The following NKTR variants were observed in gnomAD, a reference collection of about 807,000 sequenced individuals.
NKTR encodes natural killer cell triggering receptor.
NKTR carries 67 observed loss-of-function variants against 156.3 expected under a neutral mutation model. The observed-to-expected ratio is 0.43, with a 90% confidence interval of 0.35 to 0.53. The LOEUF (loss-of-function observed/expected upper bound fraction) is 0.53. NKTR is among the 20% of genes least tolerant of loss of function. NKTR has a pLI of 0.01. For missense variants in NKTR, 1,604 were observed against 1,730.9 expected (o/e 0.93, Z 1.30); for synonymous variants, 640 against 596.6 (o/e 1.07, Z -1.06).
chr3:42,618,872 G>A, intron 3 of NKTR, 148 bp from the exon 4 acceptor site: 1 of 669,814 alleles, frequency 1.5e-6, no homozygotes, highest in Non-Finnish European at 2.5e-6. Flanking sequence ...ATGTGTGTAT[G>A]TTAAATTATC....
Position 42,643,907 on chromosome 3 carries a change from A to G in NKTR, c.4205A>G (p.Tyr1402Cys). The change falls in exon 16 of 17, where the codon TAC (tyrosine) becomes TGC (cysteine). Residue 1402 changes from tyrosine to cysteine, a missense_variant. Tyr to Cys is a radical substitution (Grantham distance 194). Around this residue, in one of 6 missense-constraint regions of NKTR, gnomAD observed 193 missense variants for 220.2 expected, o/e 0.88. Transcript: ENST00000232978. The stretch of plus-strand genomic sequence containing the variant: ...TGTTGTTGCCGTTAAAGCAGGTCCT[A>G]CACCTACGATAGCTACTATAGCAGG... Reference protein sequence around the residue: ...SYDPHSRSRSYTYDSYYSRSR... With the variant: ...SYDPHSRSRSCTYDSYYSRSR... 1.2e-6 allele frequency: 2 copies of G among 1,612,892 alleles called. No homozygotes were observed. Among genetic ancestry groups the G allele is most frequent in the East Asian group, 2.2e-5 (1 of 44,888 alleles).
chr3:42,620,762 A>G (rs1476993648), intron 5 of NKTR: 14 of 984,666 alleles, frequency 1.4e-5, no homozygotes, highest in Non-Finnish European at 1.7e-5. Context: ...TCTGTTATGT[A>G]GCAATTTAAA....
chr3:42,634,725 ATAT>A, intron 11 of NKTR, 25 bp downstream of exon 11: 1 of 1,307,302 alleles, frequency 7.6e-7, no homozygotes, highest in Non-Finnish European at 1.1e-6. Context: ...ACTTTTTTTG[ATAT>A]TATGTATCTA....
chr3:42,627,277 T>G, intron 6 of NKTR: 1 of 985,140 alleles, frequency 1.0e-6, no homozygotes, highest in Non-Finnish European at 1.2e-6. Flanking sequence ...TTTATCTCTT[T>G]AATTCTGTTG....
At position 42,633,598 on chromosome 3, in the gene NKTR, T is replaced by C. The variant is rs1709113980; in HGVS notation, c.792T>C (p.Asp264=). Residue 264 remains aspartate, a synonymous_variant, in exon 10 of 17, where the codon GAT becomes GAC. Coordinates refer to ENST00000232978, the MANE Select transcript of NKTR (RefSeq NM_005385.4). Reference sequence around the variant, plus strand: ...TTCTAAGTCACTCTGAGAGGAGTGATACCAATGAAAAAAGGTCAGTTGATT... The same window carrying C: ...TTCTAAGTCACTCTGAGAGGAGTGACACCAATGAAAAAAGGTCAGTTGATT... ...MNPKGHSERS[D]TNEKRSVDSS... 6.2e-7 allele frequency: 1 copy of C among 1,613,826 alleles called. No individual in the cohort carries two copies. Among genetic ancestry groups the C allele is most frequent in the Admixed American group, 1.7e-5 (1 of 59,998 alleles).
chr3:42,630,542 A>G lies in NKTR; in HGVS notation c.375-4A>G, dbSNP rs1379226764. ...TCATCTTTGTGTTGATGTTTATTAC[A>G]TAGTACCACAAAGCCTGCTCCACAC... On this transcript the variant is annotated splice_region_variant and splice_polypyrimidine_tract_variant and intron_variant, in intron 6 of 16. Transcript: ENST00000232978. 3 of 1,613,872 alleles carry G rather than the reference A, an allele frequency of 1.9e-6. No individual in the cohort carries two copies. Among genetic ancestry groups the G allele is most frequent in the Middle Eastern group, 3.3e-4 (2 of 6,062 alleles).
intron 13 of NKTR, among the ~76,000 whole-genome samples, chr3:42,641,746 T>C (rs1577588105): frequency 6.6e-6 from 1 of 151,924 alleles, no homozygotes; most frequent in Non-Finnish European, 1.5e-5. Context: ...GGCGTGGTAG[T>C]GCGTGTCTGT....
chr3:42,629,636 A>ATCTGTT (rs1169711572), intron 6 of NKTR: 7 of 977,490 alleles, frequency 7.2e-6, no homozygotes, highest in Non-Finnish European at 8.5e-6. Context: ...GCTCTTAAAT[A>ATCTGTT]TCTGTTTCTC....
chr3:42,645,388 A>T (rs185543683), intron 16 of NKTR, among the ~76,000 whole-genome samples: 1 of 152,146 alleles, frequency 6.6e-6, no homozygotes, highest in African/African-American at 2.4e-5. Flanking sequence ...ACAGCTTCAA[A>T]AAGTCCATAG....
At chr3:42,611,978 A>T (rs546287427) in intron 2 of NKTR, among the ~76,000 whole-genome samples, 1 of 152,030 alleles carries the variant, frequency 6.6e-6, no homozygotes, top group African/African-American at 2.4e-5. Flanking sequence ...GCATGCTCCT[A>T]TGTTCCCATC....
rs1577542343 is a variant in NKTR, at chr3:42,633,343, C to G, written c.774-237C>G. 5.5e-6 allele frequency: 7 copies of G among 1,272,476 alleles called. No individual in the cohort carries two copies. In the East Asian group the frequency reaches 2.6e-4, roughly 47 times the overall value. The allele number at this position is 1,272,476 out of a possible 1,614,324, so 78.8% of individuals were successfully genotyped here. A position where few individuals can be genotyped will look rare whatever the true frequency, so the allele number is the denominator to read the frequency against. ...AGGTGTGAGCCACAATGCCTGGCCTCCTGGAACTCTTAAAATAAAAAAGTT... is the reference window on the plus strand; with the variant it reads ...AGGTGTGAGCCACAATGCCTGGCCTGCTGGAACTCTTAAAATAAAAAAGTT... On this transcript the variant is annotated intron_variant, in intron 9 of 16. Coordinates refer to ENST00000232978, the MANE Select transcript of NKTR (RefSeq NM_005385.4).
Position 42,617,513 on chromosome 3 carries a change from T to C in NKTR, c.59-57T>C, listed in dbSNP as rs1707492921. 4.6e-6 allele frequency: 4 copies of C among 872,248 alleles called. No homozygotes were observed. In the Admixed American group the frequency reaches 7.4e-5, roughly 16 times the overall value. 54.0% of individuals were successfully genotyped at this position (872,248 alleles called of 1,614,324 possible). ...TTGTTAGCCCTGTTTCTTTCTCCCA[T>C]TTAAATGTGATATATTTAACTTGCT... is the stretch of plus-strand genomic sequence containing the variant. On this transcript the variant is annotated intron_variant, in intron 2 of 16. Coordinates refer to ENST00000232978, the MANE Select transcript of NKTR (RefSeq NM_005385.4).
intron 10 of NKTR, 46 bp downstream of exon 10, chr3:42,633,781 CTG>C (rs752070078): frequency 6.2e-7 from 1 of 1,607,818 alleles, no homozygotes; most frequent in South Asian, 1.1e-5. Flanking sequence ...TCCGATAACA[CTG>C]TTCCGTCAGC....
chr3:42,623,378 T>C (rs762821105), intron 6 of NKTR, among the ~76,000 whole-genome samples: 2 of 152,146 alleles, frequency 1.3e-5, no homozygotes, highest in Non-Finnish European at 2.9e-5. Context: ...GCAGTCCCTT[T>C]GGAAAGGAGT....
chr3:42,632,481 A>G (rs1048424686), intron 8 of NKTR, 120 bp from the exon 9 acceptor site: 4 of 633,688 alleles, frequency 6.3e-6, no homozygotes, highest in Non-Finnish European at 1.1e-5. Context: ...AACTGTCTAC[A>G]TTTCATTTTT....
At chr3:42,622,441 T>C (rs1296826955) in intron 6 of NKTR, among the ~76,000 whole-genome samples, 1 of 152,054 alleles carries the variant, frequency 6.6e-6, no homozygotes. Context: ...TTGTCATCTT[T>C]CTGAATGAAT....
Position 42,633,744 on chromosome 3 carries a change from G to A in NKTR, c.929+9G>A, listed in dbSNP as rs199845602. On this transcript the variant is annotated intron_variant, in intron 10 of 16. Coordinates refer to ENST00000232978, the MANE Select transcript of NKTR (RefSeq NM_005385.4). ...ACTGCAGAACCTGAACCGTAAGTAG[G>A]ATGACTAAACTATTTATTTTTATTT... The A allele has an allele frequency of 6.2e-7, 1 of 1,613,842 alleles. No individual in the cohort carries two copies. The highest frequency in any genetic ancestry group is 2.2e-5 in the East Asian group (1 of 44,872).
At chr3:42,612,232 A>G (rs1474310278) in intron 2 of NKTR, 2 of 152,188 alleles carry the variant, frequency 1.3e-5, no homozygotes, top group East Asian at 3.9e-4. Context: ...ATTTATCAAT[A>G]TTTGCTTGTG....
intron 16 of NKTR, among the ~76,000 whole-genome samples, chr3:42,644,260 A>G (rs1710168745): frequency 6.6e-6 from 1 of 152,196 alleles, no homozygotes; most frequent in Non-Finnish European, 1.5e-5. Context: ...CATATCTTGG[A>G]CAGACCTTTC....
Sources: allele counts gnomAD v4.1 joint callset (sites outside exome capture counted in the v4.1 genomes callset), GRCh38; gene constraint gnomAD v4.1.1; regional missense constraint gnomAD v4.1.1; transcripts MANE v1.5; gene names NCBI Gene and HGNC (gene_info 2026-07-23, HGNC 2026-07-21).